SPTAN1: variants seen among roughly 807,000 people sequenced by gnomAD.
SPTAN1 encodes spectrin alpha chain, non-erythrocytic 1.
A neutral mutation model predicts 331.3 loss-of-function variants in SPTAN1; 61 were observed. That is an observed-to-expected ratio of 0.18 (90% CI 0.15 to 0.23). SPTAN1 has a LOEUF of 0.23. SPTAN1 is among the 10% of genes least tolerant of loss of function. SPTAN1 has a pLI of 1.00. For synonymous variants in SPTAN1, 1,153 were observed against 1,173.9 expected (o/e 0.98, Z 0.36); for missense variants, 2,043 against 3,147.9 (o/e 0.65, Z 8.40).
At position 128,625,574 on chromosome 9, in the gene SPTAN1, G is replaced by C. The variant is rs968363482; in HGVS notation, c.6070-195G>C. On this transcript the variant is annotated intron_variant, in intron 47 of 56. Coordinates refer to ENST00000372739, the MANE Select transcript of SPTAN1 (RefSeq NM_001130438.3). This position sits in a 1 kb window ranked among gnomAD's most constrained non-coding sequence, Gnocchi z 4.1. ...AGCGGAAGGCTGGGGTCAGGGAGGT[G>C]GGAGGAGGCTGCCGCAGTGATCTGC... 3.3e-5 allele frequency among the ~76,000 whole-genome samples: 5 copies of C among 152,202 alleles called. No individual in the cohort carries two copies. The East Asian group carries it at 7.7e-4, about 23-fold the overall frequency.
intron 1 of SPTAN1, among the ~76,000 whole-genome samples, chr9:128,562,994 A>ATGTATATATATATATG (rs1849583192): frequency 1.8e-3 from 2 of 1,136 alleles, no homozygotes; most frequent in African/African-American, 1.9e-3. Context: ...ATGTATGTGT[A>ATGTATATATATATATG]TATATATATA....
intron 30 of SPTAN1, 49 bp downstream of exon 30, chr9:128,605,227 G>A: frequency 6.2e-7 from 1 of 1,614,172 alleles, no homozygotes; most frequent in South Asian, 1.1e-5. Context: ...GCCCCAGAAA[G>A]AGCAGAGTCT....
At chr9:128,582,631 C>T in intron 13 of SPTAN1, 63 bp from the exon 14 acceptor site, 4 of 1,610,100 alleles carry the variant, frequency 2.5e-6, no homozygotes, top group African/African-American at 2.7e-5. Flanking sequence ...AGTTAAGTCT[C>T]TTCAACTGGA....
At chr9:128,561,144 C>G (rs185389294) in intron 1 of SPTAN1, among the ~76,000 whole-genome samples, 1 of 151,110 alleles carries the variant, frequency 6.6e-6, no homozygotes, top group Non-Finnish European at 1.5e-5. Flanking sequence ...CCGAGGCGGG[C>G]GGACCACAAG....
chr9:128,628,160 C>G (rs917402996), intron 51 of SPTAN1: 4 of 726,776 alleles, frequency 5.5e-6, no homozygotes, highest in African/African-American at 5.2e-5. Flanking sequence ...CCAGGGGGAG[C>G]CGTCCTTGCC....
chr9:128,583,011 G>GGTA, intron 14 of SPTAN1, 66 bp from the exon 15 acceptor site: 2 of 1,584,986 alleles, frequency 1.3e-6, no homozygotes, highest in Non-Finnish European at 1.7e-6. Flanking sequence ...TAAGTATGAA[G>GGTA]GTAGTGCAAG....
intron 27 of SPTAN1, among the ~76,000 whole-genome samples, chr9:128,603,302 C>T (rs561569193): frequency 3.9e-5 from 6 of 151,938 alleles, no homozygotes; most frequent in African/African-American, 1.4e-4. Flanking sequence ...TTTTACCATT[C>T]TTTTTTCACT....
rs1196495755 is a variant in SPTAN1 at position 128,618,122 on chromosome 9, G to T, written c.5600+14G>T. 1 of 1,612,570 alleles carries T rather than the reference G, an allele frequency of 6.2e-7. No homozygotes were observed. Among genetic ancestry groups the T allele is most frequent in the Non-Finnish European group, 8.5e-7 (1 of 1,179,808 alleles). On this transcript the variant is annotated intron_variant, in intron 43 of 56. Transcript: ENST00000372739. ...GGCAGCTGCCCGGTGAGTAGTCAGA[G>T]GCAGGAGCTCCCGGGAACAAGTGGA... is the stretch of plus-strand genomic sequence containing the variant.
chr9:128,594,804 C>CTTTTTTTTTTTTTTTTTTTATTTTTTT (rs10594067), intron 24 of SPTAN1, among the ~76,000 whole-genome samples: 1 of 90,560 alleles, frequency 1.1e-5, no homozygotes, highest in African/African-American at 4.0e-5. Context: ...ATGTATGTAG[C>CTTTTTTTTTTTTTTTTTTTATTTTTTT]TTTTTTTTTT....
In SPTAN1 at chr9:128,593,028, G is replaced by A. The variant is rs752318149; in HGVS notation, c.3201G>A (p.Lys1067=). 1.2e-6 allele frequency: 2 copies of A among 1,610,292 alleles called. No homozygotes were observed. Among genetic ancestry groups the A allele is most frequent in the Admixed American group, 3.4e-5 (2 of 59,532 alleles). The change falls in exon 23 of 57, where the codon AAG becomes AAA. Residue 1067 remains lysine, a synonymous_variant. Coordinates refer to ENST00000372739, the MANE Select transcript of SPTAN1 (RefSeq NM_001130438.3). ...KEAGSVSLRM[K]QVEELYHSLL... is the part of the protein sequence containing the mutation. Reference sequence around the variant, plus strand: ...CCGGCAGTGTATCTCTGCGTATGAAGCAGGTGGAAGAACTGTGAGTAGGCT... The same window carrying A: ...CCGGCAGTGTATCTCTGCGTATGAAACAGGTGGAAGAACTGTGAGTAGGCT...
chr9:128,557,787 A>G (rs1013101689), intron 1 of SPTAN1, among the ~76,000 whole-genome samples: 10 of 148,804 alleles, frequency 6.7e-5, no homozygotes, highest in Non-Finnish European at 1.3e-4. Context: ...CTTTGGATTA[A>G]ATTAGAAATT....
At chr9:128,554,443 CTT>C (rs1391427522) in intron 1 of SPTAN1, among the ~76,000 whole-genome samples, 1 of 152,162 alleles carries the variant, frequency 6.6e-6, no homozygotes, top group Non-Finnish European at 1.5e-5. Flanking sequence ...TTAAGTATGT[CTT>C]TTGGTTCCCT....
At chr9:128,624,899 G>A (rs927898857) in intron 46 of SPTAN1, 8 of 639,394 alleles carry the variant, frequency 1.3e-5, no homozygotes, top group South Asian at 7.1e-5. Context: ...ACTAGAAGAC[G>A]GGCTGCAGGG....
At chr9:128,594,520 T>C in intron 24 of SPTAN1, 147 bp downstream of exon 24, 1 of 774,994 alleles carries the variant, frequency 1.3e-6, no homozygotes, top group Non-Finnish European at 2.1e-6. Flanking sequence ...AACCTCTGCC[T>C]CCTGGGTTCA....
chr9:128,606,499 G>GGGA (rs1564276905), intron 31 of SPTAN1, among the ~76,000 whole-genome samples: 2 of 145,410 alleles, frequency 1.4e-5, no homozygotes, highest in Non-Finnish European at 3.0e-5. Context: ...TTTTTTTTTG[G>GGGA]GGGGGGAAGC....
intron 11 of SPTAN1, 55 bp from the exon 12 acceptor site, chr9:128,581,726 CT>C: frequency 7.1e-7 from 1 of 1,402,830 alleles, no homozygotes. Context: ...GCTTCACAGT[CT>C]TAGAAGATCA....
At chr9:128,588,257 A>T (rs1425802637) in intron 20 of SPTAN1, among the ~76,000 whole-genome samples, 1 of 150,964 alleles carries the variant, frequency 6.6e-6, no homozygotes, top group Non-Finnish European at 1.5e-5. Flanking sequence ...TGGCCTCCCA[A>T]AGTGCTGGGA....
At chr9:128,558,820 C>G (rs934785206) in intron 1 of SPTAN1, among the ~76,000 whole-genome samples, 13 of 152,136 alleles carry the variant, frequency 8.5e-5, no homozygotes, top group African/African-American at 3.1e-4. Flanking sequence ...CAGTAACTGA[C>G]AGTTTCGGGT....
chr9:128,555,994 G>C (rs901546813), intron 1 of SPTAN1, among the ~76,000 whole-genome samples: 1 of 152,016 alleles, frequency 6.6e-6, no homozygotes, highest in Non-Finnish European at 1.5e-5. Context: ...GGCTAAGGTG[G>C]GTGGATCACT....
Sources: allele counts gnomAD v4.1 joint callset (sites outside exome capture counted in the v4.1 genomes callset), GRCh38; gene constraint gnomAD v4.1.1; non-coding constraint Gnocchi (gnomAD v3.1); transcripts MANE v1.5; gene names NCBI Gene and HGNC (gene_info 2026-07-23, HGNC 2026-07-21).